Variants in LDAH observed in about 807,000 individuals in gnomAD.
LDAH encodes the protein lipid droplet-associated hydrolase.
A neutral mutation model predicts 29.6 loss-of-function variants in LDAH; 26 were observed. The observed-to-expected ratio is 0.88, with a 90% CI of 0.64 to 1.22. The LOEUF is 1.22. LDAH is among the 50% of genes most tolerant of loss of function. LDAH has a pLI of 0.00. For synonymous variants in LDAH, 117 were observed against 133.0 expected (o/e 0.88, Z 0.83); for missense variants, 344 against 387.3 (o/e 0.89, Z 0.94).
chr2:20,706,874 A>G (rs1263350435), intron 5 of LDAH, among the ~76,000 whole-genome samples: 1 of 152,232 alleles, frequency 6.6e-6, no homozygotes, highest in African/African-American at 2.4e-5. Context: ...AAGAAGGAGA[A>G]GTACAAGCAG....
intron 4 of LDAH, among the ~76,000 whole-genome samples, chr2:20,742,754 A>T (rs1667270949): frequency 6.7e-6 from 1 of 149,974 alleles, no homozygotes; most frequent in African/African-American, 2.4e-5. Context: ...CCACTCTAAC[A>T]ATCTTTTAAT....
At chr2:20,810,309 T>C (rs1048803298) in intron 1 of LDAH, among the ~76,000 whole-genome samples, 1 of 152,364 alleles carries the variant, frequency 6.6e-6, no homozygotes, top group South Asian at 2.1e-4. Flanking sequence ...CTACTTAAGC[T>C]TCTTCAGAAA....
At chr2:20,772,111 A>T (rs1669474200) in intron 4 of LDAH, among the ~76,000 whole-genome samples, 1 of 152,216 alleles carries the variant, frequency 6.6e-6, no homozygotes, top group Admixed American at 6.5e-5. Context: ...CCAAAAAGAG[A>T]GAAAGGTTCA....
At chr2:20,693,953 C>A (rs1450654406) in intron 6 of LDAH, among the ~76,000 whole-genome samples, 3 of 152,268 alleles carry the variant, frequency 2.0e-5, no homozygotes, top group Admixed American at 2.0e-4. Context: ...TCTTCTTGGC[C>A]TTTCTTCCAG....
intron 4 of LDAH, among the ~76,000 whole-genome samples, chr2:20,767,569 C>T (rs568564180): frequency 6.6e-6 from 1 of 152,354 alleles, no homozygotes; most frequent in Admixed American, 6.5e-5. Context: ...TTGGCACAAG[C>T]AACCTGGGTG....
intron 2 of LDAH, 36 bp downstream of exon 2, chr2:20,801,274 T>C: frequency 6.3e-7 from 1 of 1,591,522 alleles, no homozygotes; most frequent in East Asian, 2.2e-5. Flanking sequence ...TATGAGTATC[T>C]ACAAAAAGTC....
intron 2 of LDAH, among the ~76,000 whole-genome samples, chr2:20,795,402 C>A (rs918484972): frequency 6.6e-6 from 1 of 152,162 alleles, no homozygotes; most frequent in African/African-American, 2.4e-5. Flanking sequence ...GCCTTATCTG[C>A]TATATCTCCA....
chr2:20,768,017 C>T (rs1289387268), intron 4 of LDAH, among the ~76,000 whole-genome samples: 1 of 152,114 alleles, frequency 6.6e-6, no homozygotes, highest in Non-Finnish European at 1.5e-5. Context: ...CTCACTGGGA[C>T]ACCCTGGCTA....
At chr2:20,755,125 GTGTT>G (rs144598231) in intron 4 of LDAH, among the ~76,000 whole-genome samples, 35,560 of 115,716 alleles carry the variant, frequency 0.31, 4,236 homozygotes, top group African/African-American at 0.33. Context: ...TTGTGTGTCT[GTGTT>G]TGTGTGTGTG....
At position 20,740,213 on chromosome 2, in the gene LDAH, AAAG is replaced by A. The variant is rs1348381850; in HGVS notation, c.469-11_469-9del. 3 of 1,583,942 alleles carry A rather than the reference AAAG, an allele frequency of 1.9e-6. No homozygotes were observed. Among genetic ancestry groups the A allele is most frequent in the Non-Finnish European group, 1.7e-6 (2 of 1,152,706 alleles). ...CAGAAAGGCACGAATTACCTGCAAT[AAAG>A]AAGCATACTTTGATGAGAGGTTTTC... On this transcript the variant is annotated splice_polypyrimidine_tract_variant and intron_variant, in intron 4 of 6. Transcript: ENST00000237822.
chr2:20,717,636 T>C (rs530294203), intron 5 of LDAH, among the ~76,000 whole-genome samples: 2 of 152,322 alleles, frequency 1.3e-5, no homozygotes, highest in East Asian at 3.9e-4. Context: ...AAAGAAAACA[T>C]TATCAAATTT....
intron 5 of LDAH, among the ~76,000 whole-genome samples, chr2:20,730,951 T>C (rs994825895): frequency 3.3e-5 from 5 of 152,230 alleles, no homozygotes; most frequent in African/African-American, 1.2e-4. Context: ...TGTAGCTACA[T>C]AATAAATCTT....
In LDAH at chr2:20,686,788, G is replaced by T. The variant is rs1005612654; in HGVS notation, c.*115C>A. 1 of 968,580 alleles carries T rather than the reference G, an allele frequency of 1.0e-6. No homozygotes were observed. The highest frequency in any genetic ancestry group is 1.5e-6 in the Non-Finnish European group (1 of 650,726). The allele number at this position is 968,580 out of a possible 1,614,324, so 60.0% of individuals were successfully genotyped here. ...CGGAGAGTTGGTTTGTAAGACAAAG[G>T]TTCTCACTTTCTTCATTTCTAATAT... On this transcript the variant is annotated 3_prime_UTR_variant, in exon 7 of 7. Transcript: ENST00000237822.
In LDAH at chr2:20,685,793, A is replaced by G. The variant is rs1662520396; in HGVS notation, c.*1110T>C. ...CCAGGGAATATGTGTCTTCTCTGCC[A>G]TACCTCAATGTGTCTAGAGAAGGTG... On this transcript the variant is annotated 3_prime_UTR_variant, in exon 7 of 7. Transcript: ENST00000237822. The G allele has an allele frequency of 9.5e-7, 1 of 1,056,320 alleles. No individual in the cohort carries two copies. Among genetic ancestry groups the G allele is most frequent in the East Asian group, 2.7e-5 (1 of 37,394 alleles). 65.4% of individuals were successfully genotyped at this position (1,056,320 alleles called of 1,614,324 possible).
rs1669682337 is a variant in LDAH, at chr2:20,774,804, A to G, written c.468+6T>C. 3 of 1,612,352 alleles carry G rather than the reference A, an allele frequency of 1.9e-6. No homozygotes were observed. The highest frequency in any genetic ancestry group is 1.3e-5 in the African/African-American group (1 of 74,870). Reference sequence around the variant, plus strand: ...CACCCACAGTTACCTCTGGAGACCTACTTACCGGGAGCTCAGGGACTCGCT... The same window carrying G: ...CACCCACAGTTACCTCTGGAGACCTGCTTACCGGGAGCTCAGGGACTCGCT... On this transcript the variant is annotated splice_donor_region_variant and intron_variant, in intron 4 of 6. Transcript: ENST00000237822.
At position 20,685,503 on chromosome 2, in the gene LDAH, A is replaced by G; in HGVS notation, c.*1400T>C. On this transcript the variant is annotated 3_prime_UTR_variant, in exon 7 of 7. Coordinates refer to ENST00000237822, the MANE Select transcript of LDAH (RefSeq NM_021925.4). ...CCCCTCTGAGAAGTCACTTGCTGTG[A>G]TGTAGAAGCTATGCCAAAGCACAGT... 6.5e-7 allele frequency: 1 copy of G among 1,543,166 alleles called. No individual in the cohort carries two copies.
intron 5 of LDAH, among the ~76,000 whole-genome samples, chr2:20,708,455 C>G (rs578136272): frequency 6.6e-6 from 1 of 152,126 alleles, no homozygotes; most frequent in East Asian, 1.9e-4. Context: ...CAGCATCTGA[C>G]AAGGTAAAAT....
chr2:20,738,970 TATC>T (rs1666994223), intron 5 of LDAH, among the ~76,000 whole-genome samples: 1 of 152,234 alleles, frequency 6.6e-6, no homozygotes, highest in African/African-American at 2.4e-5. Context: ...GTCCTGCTGT[TATC>T]ATTAACAAGG....
intron 6 of LDAH, among the ~76,000 whole-genome samples, chr2:20,695,494 C>T (rs1402024951): frequency 6.6e-6 from 1 of 150,984 alleles, no homozygotes; most frequent in Non-Finnish European, 1.5e-5. Context: ...GCTCTGTTGC[C>T]CAGGCTGGAG....
Sources: allele counts gnomAD v4.1 joint callset (sites outside exome capture counted in the v4.1 genomes callset), GRCh38; gene constraint gnomAD v4.1.1; transcripts MANE v1.5; gene names NCBI Gene and HGNC (gene_info 2026-07-23, HGNC 2026-07-21).